Variants in UTP20 observed in about 807,000 individuals in gnomAD.
UTP20 encodes UTP20 small subunit processome component, also known as small subunit processome component 20 homolog.
Under a neutral mutation model 329.5 loss-of-function variants are expected in UTP20, and 164 were observed. The ratio of observed to expected loss-of-function variants is 0.50; its 90% CI spans 0.44 to 0.57. The LOEUF is 0.57. Among genes scored for constraint, UTP20 ranks in the 20% least tolerant of loss-of-function variants. The pLI is 0.00. For missense variants in UTP20, 3,055 were observed against 3,284.2 expected, an observed-to-expected ratio of 0.93 and a Z score of 1.71; for synonymous variants, 1,151 against 1,159.3, an observed-to-expected ratio of 0.99 and a Z score of 0.14.
At chr12:101,365,666 G>T in intron 46 of UTP20, 41 bp downstream of exon 46, 1 of 1,481,158 alleles carries the variant, frequency 6.8e-7, no homozygotes, top group Non-Finnish European at 9.0e-7. Context: ...AGGTCTCTGC[G>T]TCTGATAAGC....
intron 12 of UTP20, among the ~76,000 whole-genome samples, chr12:101,298,900 C>A (rs1872443115): frequency 6.6e-6 from 1 of 150,812 alleles, no homozygotes; most frequent in East Asian, 1.9e-4. Flanking sequence ...CCTTCCCCTA[C>A]CTGACCATTT....
At chr12:101,353,739 C>G (rs7315815) in intron 40 of UTP20, among the ~76,000 whole-genome samples, 88,067 of 152,002 alleles carry the variant, frequency 0.58, 28,130 homozygotes, top group East Asian at 0.94. Context: ...AATTTTTAAA[C>G]ATTATAAATT....
rs368067856 is a variant in UTP20 at position 101,370,052 on chromosome 12, T to TAA, written c.6555+178_6555+179dup. On this transcript the variant is annotated intron_variant, in intron 49 of 61. Coordinates refer to ENST00000261637, the MANE Select transcript of UTP20 (RefSeq NM_014503.3). ...AGCATAACGAGACCCCGTGTCTACA[T>TAA]AAAAAAAAAAAAAAAAAATTAGCTG... Among the ~76,000 whole-genome samples the TAA allele has an allele frequency of 5.9e-3, 722 of 122,114 alleles. 5 individuals are homozygous for TAA. Among genetic ancestry groups the TAA allele is most frequent in the African/African-American group, 0.016 (581 of 36,132 alleles). The allele number at this position is 122,114 out of a possible 152,430, so 80.1% of individuals were successfully genotyped here.
At chr12:101,341,556 C>T (rs1270513976) in intron 32 of UTP20, among the ~76,000 whole-genome samples, 1 of 152,162 alleles carries the variant, frequency 6.6e-6, no homozygotes, top group African/African-American at 2.4e-5. Context: ...TATGTGGATT[C>T]AACCAATCAT....
At chr12:101,283,042 T>C (rs1367883026) in intron 2 of UTP20, among the ~76,000 whole-genome samples, 2 of 152,232 alleles carry the variant, frequency 1.3e-5, no homozygotes, top group Non-Finnish European at 2.9e-5. Context: ...GGGCTTGAAT[T>C]TGAAATACCT....
In UTP20 at chr12:101,321,619, A is replaced by G. The variant is rs199725568; in HGVS notation, c.3031A>G (p.Ile1011Val). ...AGCCCACCGAGCAGATCTATTTCCT[A>G]TTCTGATGAGGTATTTATGCTGTTC... ...KTAHRADLFPILMRILYGRMK... is the reference protein window; with the variant it reads ...KTAHRADLFPVLMRILYGRMK... Residue 1011 changes from isoleucine to valine, a missense_variant, in exon 25 of 62, where the codon ATT (isoleucine) becomes GTT (valine). Transcript: ENST00000261637. The G allele has an allele frequency of 6.2e-6, 10 of 1,613,304 alleles. No homozygotes were observed. The highest frequency in any genetic ancestry group is 2.2e-5 in the East Asian group (1 of 44,780).
At chr12:101,303,713 A>G (rs1402957864) in intron 15 of UTP20, among the ~76,000 whole-genome samples, 1 of 152,084 alleles carries the variant, frequency 6.6e-6, no homozygotes, top group African/African-American at 2.4e-5. Context: ...ATGAAAGGGG[A>G]GGCCATGGGA....
chr12:101,367,755 A>G, intron 47 of UTP20, 105 bp from the exon 48 acceptor site: 1 of 712,864 alleles, frequency 1.4e-6, no homozygotes, highest in Non-Finnish European at 2.5e-6. Context: ...TTCTAATAGA[A>G]GTATCTTAAC....
Position 101,383,654 on chromosome 12 carries a change from A to C in UTP20, c.8041A>C (p.Thr2681Pro), listed in dbSNP as rs1593458700. The C allele has an allele frequency of 6.2e-7, 1 of 1,611,656 alleles. No individual in the cohort carries two copies. The highest frequency in any genetic ancestry group is 1.3e-5 in the African/African-American group (1 of 74,838). Residue 2681 changes from threonine (T) to proline (P), a missense_variant, in exon 60 of 62, where the codon ACC becomes CCC. Thr to Pro is a conservative substitution (Grantham distance 38). Coordinates refer to ENST00000261637, the MANE Select transcript of UTP20 (RefSeq NM_014503.3). The part of the protein sequence containing the change: ...IAPLFRELNS[T>P]YSEQDPLLKN... ...TCCTTTGTTTCGGGAACTCAACAGCACCTATTCAGAGCAAGGTAACCCTGC... is the reference window on the plus strand; with the variant it reads ...TCCTTTGTTTCGGGAACTCAACAGCCCCTATTCAGAGCAAGGTAACCCTGC...
chr12:101,306,065 G>C lies in UTP20; in HGVS notation c.1932G>C (p.Lys644Asn). 2.5e-6 allele frequency: 4 copies of C among 1,609,806 alleles called. No homozygotes were observed. Among genetic ancestry groups the C allele is most frequent in the Non-Finnish European group, 3.4e-6 (4 of 1,177,428 alleles). ...LQANISTGVS[K>N]IRLLTIRILN... ...CAAACATTTCAACTGGTGTATCCAA[G>C]GTAATGGTGTTTTGTGGTAGTGTGT... is the stretch of plus-strand genomic sequence containing the variant. The change falls in exon 16 of 62, where the codon AAG (lysine) becomes AAC (asparagine). Residue 644 changes from lysine to asparagine, a missense_variant and splice_region_variant. Physicochemically the swap from Lys to Asn is moderately conservative, Grantham distance 94. Transcript: ENST00000261637.
intron 38 of UTP20, among the ~76,000 whole-genome samples, chr12:101,348,739 G>GTTTT (rs35417344): frequency 3.9e-4 from 38 of 97,294 alleles, no homozygotes; most frequent in Non-Finnish European, 5.0e-4. Flanking sequence ...GTTTTTGGTG[G>GTTTT]TTTTTTTTTT....
Position 101,281,033 on chromosome 12 carries a change from G to GC in UTP20, c.46-81dup. On this transcript the variant is annotated intron_variant, in intron 1 of 61. Coordinates refer to ENST00000261637, the MANE Select transcript of UTP20 (RefSeq NM_014503.3). ...CCACTTATCCTTTGTGATTAGAGATGCCTACATGCAGCATTCAAATAGATA... is the reference window on the plus strand; with the variant it reads ...CCACTTATCCTTTGTGATTAGAGATGCCCTACATGCAGCATTCAAATAGATA... The GC allele has an allele frequency of 2.6e-6, 3 of 1,136,332 alleles. No individual in the cohort carries two copies. The South Asian group carries it at 4.5e-5, about 17-fold the overall frequency. 70.4% of individuals were successfully genotyped at this position (1,136,332 alleles called of 1,614,324 possible). A position where few individuals can be genotyped will look rare whatever the true frequency, so the allele number is the denominator to read the frequency against.
chr12:101,344,797 G>A, intron 36 of UTP20, 47 bp downstream of exon 36: 1 of 1,572,652 alleles, frequency 6.4e-7, no homozygotes, highest in African/African-American at 1.4e-5. Flanking sequence ...GCTGTGTTTT[G>A]TTTTGTTTTC....
At chr12:101,343,200 G>T (rs1360612694) in intron 35 of UTP20, 107 bp downstream of exon 35, 4 of 680,814 alleles carry the variant, frequency 5.9e-6, no homozygotes, top group African/African-American at 5.6e-5. Context: ...GGGGGACAAA[G>T]GTTTTTAGGA....
intron 11 of UTP20, among the ~76,000 whole-genome samples, chr12:101,294,433 C>T (rs535570453): frequency 6.6e-6 from 1 of 152,096 alleles, no homozygotes; most frequent in South Asian, 2.1e-4. Context: ...CTCATGCTCC[C>T]AATAGAATTA....
intron 38 of UTP20, among the ~76,000 whole-genome samples, chr12:101,350,476 C>T (rs1052368575): frequency 1.3e-5 from 2 of 152,110 alleles, no homozygotes; most frequent in African/African-American, 4.8e-5. Flanking sequence ...TATTAGGTGC[C>T]AGACATTATG....
chr12:101,320,529 C>T (rs912595713), intron 23 of UTP20, among the ~76,000 whole-genome samples: 1 of 151,416 alleles, frequency 6.6e-6, no homozygotes, highest in Non-Finnish European at 1.5e-5. Context: ...GCACTCCAGC[C>T]TGGAAAACAG....
intron 47 of UTP20, among the ~76,000 whole-genome samples, chr12:101,366,989 A>T (rs566099700): frequency 2.2e-4 from 33 of 152,168 alleles, no homozygotes; most frequent in Admixed American, 2.0e-3. Flanking sequence ...TTTTTAAGAG[A>T]TGGTGAGTGG....
At chr12:101,384,703 G>A (rs1423386221) in intron 60 of UTP20, among the ~76,000 whole-genome samples, 2 of 152,188 alleles carry the variant, frequency 1.3e-5, no homozygotes, top group East Asian at 3.8e-4. Flanking sequence ...GGGCAGGAAG[G>A]AAAGGAGGTA....
Sources: allele counts gnomAD v4.1 joint callset (sites outside exome capture counted in the v4.1 genomes callset), GRCh38; gene constraint gnomAD v4.1.1; transcripts MANE v1.5; gene names NCBI Gene and HGNC (gene_info 2026-07-23, HGNC 2026-07-21).